The following SNRPN variants were observed in gnomAD, a reference collection of about 807,000 sequenced individuals.
SNRPN encodes the protein small nuclear ribonucleoprotein polypeptide N, also known as small nuclear ribonucleoprotein-associated protein N.
A neutral mutation model predicts 25.2 loss-of-function variants in SNRPN; 7 were observed. The ratio of observed to expected loss-of-function variants is 0.28; its 90% CI spans 0.16 to 0.52. SNRPN has a LOEUF of 0.52. SNRPN is among the 20% of genes least tolerant of loss of function. The pLI is 0.96. For missense variants in SNRPN, 196 were observed against 322.5 expected, an observed-to-expected ratio of 0.61 and a Z score of 3.00; for synonymous variants, 124 against 110.6, an observed-to-expected ratio of 1.12 and a Z score of -0.76.
chr15:24,922,144 C>T (rs1284333672), intron 3 of SNRPN, among the ~76,000 whole-genome samples: 4 of 151,774 alleles, frequency 2.6e-5, no homozygotes, highest in African/African-American at 7.2e-5. Flanking sequence ...ACCTGGGAGG[C>T]GGAGGTTGCA....
chr15:24,888,315 C>T (rs1184330845), intron 2 of SNRPN, among the ~76,000 whole-genome samples: 1 of 152,000 alleles, frequency 6.6e-6, no homozygotes, highest in East Asian at 1.9e-4. Flanking sequence ...ACTGTCTTGG[C>T]CAGGCTGGTC....
intron 1 of SNRPN, among the ~76,000 whole-genome samples, chr15:24,874,309 CAAAAAAAAAAAAA>C: frequency 1.6e-5 from 1 of 61,430 alleles, no homozygotes; most frequent in East Asian, 3.6e-4. Flanking sequence ...GACTCTGTCT[CAAAAAAAAAAAAA>C]AAAAAAAAAA....
At chr15:24,936,251 G>A (rs540249628) in intron 3 of SNRPN, among the ~76,000 whole-genome samples, 54 of 152,246 alleles carry the variant, frequency 3.5e-4, no homozygotes, top group African/African-American at 1.3e-3. Context: ...GTAAAACTTT[G>A]TGGTGAGAAT....
intron 2 of SNRPN, among the ~76,000 whole-genome samples, chr15:24,832,181 T>C (rs1232716072): frequency 1.3e-5 from 2 of 152,080 alleles, no homozygotes; most frequent in Non-Finnish European, 2.9e-5. Context: ...TCTTTTAAAA[T>C]AGCCATTCTA....
intron 2 of SNRPN, chr15:24,910,946 G>T: frequency 1.2e-6 from 1 of 811,072 alleles, no homozygotes; most frequent in Non-Finnish European, 2.1e-6. Context: ...AGAGGAAAGT[G>T]CAGCAGCCAA....
intron 1 of SNRPN, among the ~76,000 whole-genome samples, chr15:24,959,811 A>G (rs926052039): frequency 2.0e-5 from 3 of 152,228 alleles, no homozygotes; most frequent in Non-Finnish European, 2.9e-5. Context: ...CTCTTTGGCT[A>G]TTATGAATAA....
At chr15:24,919,399 C>G (rs1454576705) in intron 2 of SNRPN, among the ~76,000 whole-genome samples, 2 of 149,950 alleles carry the variant, frequency 1.3e-5, no homozygotes, top group East Asian at 2.0e-4. Flanking sequence ...CCACTGCATT[C>G]CAGCCTGGGC....
intron 1 of SNRPN, among the ~76,000 whole-genome samples, chr15:24,857,063 G>A (rs2146502039): frequency 6.6e-6 from 1 of 152,290 alleles, no homozygotes; most frequent in Middle Eastern, 3.4e-3. Context: ...AATTTTATGT[G>A]AGGCACAAGA....
At chr15:24,942,222 C>T (rs1409543303) in intron 3 of SNRPN, 1 of 152,100 alleles carries the variant, frequency 6.6e-6, no homozygotes, top group Admixed American at 6.6e-5. Context: ...AGTTGGTCAA[C>T]TAGGGATATT....
chr15:24,977,121 C>A, intron 7 of SNRPN, 92 bp downstream of exon 7: 2 of 986,702 alleles, frequency 2.0e-6, no homozygotes, highest in Admixed American at 3.3e-5. Flanking sequence ...ATGTGTCATA[C>A]AATGTAAACA....
intron 2 of SNRPN, among the ~76,000 whole-genome samples, chr15:24,899,114 G>C (rs145931614): frequency 1.8e-4 from 28 of 152,142 alleles, no homozygotes; most frequent in Admixed American, 1.2e-3. Context: ...CCCCAGACAC[G>C]TTCCAAGACT....
chr15:24,842,798 A>C (rs746231756), intron 2 of SNRPN, among the ~76,000 whole-genome samples: 1 of 152,160 alleles, frequency 6.6e-6, no homozygotes. Flanking sequence ...AGAAAATGGG[A>C]ATAATTGAAT....
chr15:24,960,579 C>G (rs1041802571), intron 1 of SNRPN, among the ~76,000 whole-genome samples: 5 of 152,172 alleles, frequency 3.3e-5, no homozygotes, highest in African/African-American at 1.2e-4. Flanking sequence ...CCTCAGCCTT[C>G]CATGAACCAT....
intron 2 of SNRPN, among the ~76,000 whole-genome samples, chr15:24,899,733 G>A (rs938329604): frequency 2.0e-5 from 3 of 152,170 alleles, no homozygotes; most frequent in Admixed American, 2.0e-4. Context: ...GAAGATTTCT[G>A]GAAAGTTCCA....
chr15:24,892,225 C>T (rs1595738165), intron 2 of SNRPN, among the ~76,000 whole-genome samples: 1 of 152,138 alleles, frequency 6.6e-6, no homozygotes, highest in African/African-American at 2.4e-5. Context: ...TTGGTACTTA[C>T]TTTTGGAGGA....
chr15:24,923,045 A>G (rs2060129593), intron 3 of SNRPN, among the ~76,000 whole-genome samples: 1 of 152,040 alleles, frequency 6.6e-6, no homozygotes, highest in Admixed American at 6.6e-5. Flanking sequence ...AACTGGGACT[A>G]CAGGCACCTG....
Position 24,974,354 on chromosome 15 carries a change from C to G in SNRPN, c.-100C>G, listed in dbSNP as rs1450875226. 9.0e-6 allele frequency: 10 copies of G among 1,112,376 alleles called. No individual in the cohort carries two copies. The allele number at this position is 1,112,376 out of a possible 1,614,324, so 68.9% of individuals were successfully genotyped here. On this transcript the variant is annotated 5_prime_UTR_variant, in exon 4 of 10. Transcript: ENST00000390687. ...AGCTTCTGCCCAGCTTGCATTGTTT[C>G]TAGGAGAACCTGCGTCATACCTTTA...
chr15:24,913,767 A>T (rs538864881), intron 2 of SNRPN, among the ~76,000 whole-genome samples: 3 of 152,350 alleles, frequency 2.0e-5, no homozygotes, highest in African/African-American at 7.2e-5. Flanking sequence ...AACAAGAGAA[A>T]AGCAAACAAG....
upstream of SNRPN, chr15:24,954,966 C>CGCT: frequency 6.3e-7 from 1 of 1,592,232 alleles, no homozygotes; most frequent in Non-Finnish European, 8.6e-7. Context: ...CGAAGCCTGC[C>CGCT]GCTGCTGCAG....
Sources: allele counts gnomAD v4.1 joint callset (sites outside exome capture counted in the v4.1 genomes callset), GRCh38; gene constraint gnomAD v4.1.1; transcripts MANE v1.5; gene names NCBI Gene and HGNC (gene_info 2026-07-23, HGNC 2026-07-21).